Variants in PARD3B observed in about 807,000 individuals in gnomAD.
The protein encoded by PARD3B is par-3 family cell polarity regulator beta, also known as partitioning defective 3 homolog B.
A neutral mutation model predicts 130.2 loss-of-function variants in PARD3B; 103 were observed. The ratio of observed to expected loss-of-function variants is 0.79; its 90% CI spans 0.67 to 0.93. PARD3B has a LOEUF of 0.93. Among genes scored for constraint, PARD3B ranks in the 40% least tolerant of loss-of-function variants. PARD3B has a pLI of 0.00. For synonymous variants in PARD3B, 583 were observed against 553.2 expected (o/e 1.05, Z -0.76); for missense variants, 1,609 against 1,499.2 (o/e 1.07, Z -1.21).
intron 15 of PARD3B, among the ~76,000 whole-genome samples, chr2:205,222,057 C>T (rs905014124): frequency 1.3e-5 from 2 of 151,268 alleles, no homozygotes; most frequent in South Asian, 4.2e-4. Context: ...CTCTATTACA[C>T]AAGTATACCT....
At chr2:205,479,041 G>A (rs539075105) in intron 20 of PARD3B, among the ~76,000 whole-genome samples, 5 of 152,290 alleles carry the variant, frequency 3.3e-5, no homozygotes, top group East Asian at 3.9e-4. Flanking sequence ...ACTTGTAGAC[G>A]TTTCTTTAAA....
rs570585745 is a variant in PARD3B, at chr2:204,963,784, A to G, written c.223-1368A>G. 2.3e-4 allele frequency among the ~76,000 whole-genome samples: 35 copies of G among 152,346 alleles called. No individual in the cohort carries two copies. The South Asian group carries it at 7.0e-3, about 31-fold the overall frequency. ...TTCATCAGTGCTACCAGTTACAAAT[A>G]GAAAATGCATGTGCTCAATTTCAAG... On this transcript the variant is annotated intron_variant, in intron 2 of 22. Coordinates refer to ENST00000406610, the MANE Select transcript of PARD3B (RefSeq NM_001302769.2).
At chr2:204,927,141 TA>T (rs1222828407) in intron 2 of PARD3B, among the ~76,000 whole-genome samples, 2 of 152,056 alleles carry the variant, frequency 1.3e-5, no homozygotes, top group East Asian at 1.9e-4. Flanking sequence ...TTGGTGATAC[TA>T]AAAAAATACT....
At chr2:205,435,126 T>A (rs2047467874) in intron 19 of PARD3B, among the ~76,000 whole-genome samples, 1 of 152,106 alleles carries the variant, frequency 6.6e-6, no homozygotes, top group African/African-American at 2.4e-5. Flanking sequence ...ACATAAGGTA[T>A]AAAGGCTACC....
intron 1 of PARD3B, among the ~76,000 whole-genome samples, chr2:204,571,616 C>T (rs1047777401): frequency 6.6e-6 from 1 of 152,074 alleles, no homozygotes; most frequent in Non-Finnish European, 1.5e-5. Context: ...TCTGAGATAC[C>T]TATATCTCGT....
At chr2:205,296,735 G>T (rs1260873537) in intron 16 of PARD3B, among the ~76,000 whole-genome samples, 2 of 151,582 alleles carry the variant, frequency 1.3e-5, no homozygotes, top group Non-Finnish European at 2.9e-5. Context: ...TGGGAATGGA[G>T]GGTAGTAGGG....
At chr2:205,016,254 C>G (rs1196890258) in intron 3 of PARD3B, among the ~76,000 whole-genome samples, 2 of 152,204 alleles carry the variant, frequency 1.3e-5, no homozygotes, top group Admixed American at 6.5e-5. Flanking sequence ...ATGGCCTCCT[C>G]TAGCACATAG....
chr2:205,213,028 C>T (rs1192231453), intron 15 of PARD3B, among the ~76,000 whole-genome samples: 1 of 152,044 alleles, frequency 6.6e-6, no homozygotes. Flanking sequence ...AATGGTGGGG[C>T]CAGGATTTGA....
intron 5 of PARD3B, among the ~76,000 whole-genome samples, chr2:205,113,016 G>A (rs550116321): frequency 3.1e-4 from 47 of 152,214 alleles, no homozygotes; most frequent in South Asian, 1.9e-3. Context: ...ATTATAACAC[G>A]TAATTCTGTG....
chr2:205,214,437 C>T (rs1490212861), intron 15 of PARD3B, among the ~76,000 whole-genome samples: 1 of 151,122 alleles, frequency 6.6e-6, no homozygotes, highest in Non-Finnish European at 1.5e-5. Context: ...AGATTTTGTT[C>T]ACCTTGGGTC....
intron 22 of PARD3B, among the ~76,000 whole-genome samples, chr2:205,607,326 C>T (rs989515483): frequency 5.9e-5 from 9 of 152,130 alleles, no homozygotes; most frequent in African/African-American, 1.2e-4. Flanking sequence ...TTCTTTCACC[C>T]GGTGCCAGCA....
At chr2:204,573,873 C>T (rs892570622) in intron 1 of PARD3B, among the ~76,000 whole-genome samples, 2 of 152,210 alleles carry the variant, frequency 1.3e-5, no homozygotes, top group Non-Finnish European at 2.9e-5. Flanking sequence ...CCCTTTCAGA[C>T]ACTGATGGCA....
chr2:205,075,408 A>G (rs1290753085), intron 4 of PARD3B, among the ~76,000 whole-genome samples: 1 of 152,128 alleles, frequency 6.6e-6, no homozygotes, highest in Non-Finnish European at 1.5e-5. Context: ...CCGTATGAAA[A>G]TTATGTTTAC....
chr2:204,630,533 T>A (rs1020955327), intron 1 of PARD3B, among the ~76,000 whole-genome samples: 1 of 152,220 alleles, frequency 6.6e-6, no homozygotes, highest in Admixed American at 6.5e-5. Context: ...GATTTATTCT[T>A]GATATTGTAG....
intron 10 of PARD3B, among the ~76,000 whole-genome samples, chr2:205,136,526 T>C (rs1038962706): frequency 2.6e-5 from 4 of 152,184 alleles, no homozygotes; most frequent in Non-Finnish European, 5.9e-5. Context: ...CTTATGGAAA[T>C]GCCTGCCTTA....
intron 20 of PARD3B, among the ~76,000 whole-genome samples, chr2:205,448,939 G>C (rs2048001588): frequency 6.6e-6 from 1 of 152,050 alleles, no homozygotes; most frequent in South Asian, 2.1e-4. Context: ...GGCCGAGGCG[G>C]GTAGATCACC....
chr2:205,498,122 C>T (rs1167712037), intron 20 of PARD3B, among the ~76,000 whole-genome samples: 2 of 149,464 alleles, frequency 1.3e-5, no homozygotes, highest in Admixed American at 6.7e-5. Context: ...ATCGCTTGAA[C>T]GCAGGAGGCA....
chr2:205,273,921 G>A (rs186522389), intron 16 of PARD3B, among the ~76,000 whole-genome samples: 1 of 152,214 alleles, frequency 6.6e-6, no homozygotes, highest in East Asian at 1.9e-4. Flanking sequence ...GTGGGGGTGA[G>A]GGTCATTTAT....
intron 18 of PARD3B, among the ~76,000 whole-genome samples, chr2:205,394,440 C>A (rs896083146): frequency 1.3e-5 from 2 of 152,172 alleles, no homozygotes; most frequent in Admixed American, 1.3e-4. Flanking sequence ...CTCTCCTAGG[C>A]TGCTGATCTT....
Sources: allele counts gnomAD v4.1 joint callset (sites outside exome capture counted in the v4.1 genomes callset), GRCh38; gene constraint gnomAD v4.1.1; transcripts MANE v1.5; gene names NCBI Gene and HGNC (gene_info 2026-07-23, HGNC 2026-07-21).